The following EXT2 variants were observed in gnomAD, a reference collection of about 807,000 sequenced individuals.
EXT2 encodes exostosin-2.
EXT2 carries 53 observed loss-of-function variants against 81.6 expected under a neutral mutation model. That is an observed-to-expected ratio of 0.65 (90% CI 0.52 to 0.82). EXT2 has a LOEUF of 0.82. Among genes scored for constraint, EXT2 ranks in the 40% least tolerant of loss-of-function variants. EXT2 has a pLI of 0.00. For missense variants in EXT2, 774 were observed against 910.2 expected (o/e 0.85, Z 1.93); for synonymous variants, 320 against 340.0 (o/e 0.94, Z 0.65).
chr11:44,122,990 T>C (rs1020512848), intron 4 of EXT2, among the ~76,000 whole-genome samples: 2 of 152,238 alleles, frequency 1.3e-5, no homozygotes, highest in African/African-American at 4.8e-5. Context: ...TTAATTGTGA[T>C]GTGTTAAGTG....
chr11:44,156,297 A>G (rs1159065372), intron 7 of EXT2, among the ~76,000 whole-genome samples: 1 of 152,142 alleles, frequency 6.6e-6, no homozygotes, highest in Non-Finnish European at 1.5e-5. Flanking sequence ...CTCTATTATT[A>G]TCCCTTTGAA....
chr11:44,114,819 C>A (rs1474893896), intron 4 of EXT2, among the ~76,000 whole-genome samples: 1 of 152,188 alleles, frequency 6.6e-6, no homozygotes, highest in African/African-American at 2.4e-5. Flanking sequence ...TCTTTCAAGG[C>A]TCTCTTTCAT....
intron 3 of EXT2, among the ~76,000 whole-genome samples, chr11:44,110,747 G>A (rs749119889): frequency 1.2e-4 from 19 of 152,216 alleles, no homozygotes; most frequent in Non-Finnish European, 2.4e-4. Context: ...GCAGGAAGGT[G>A]TCAAGTAGAC....
intron 3 of EXT2, among the ~76,000 whole-genome samples, chr11:44,110,553 G>A (rs990577408): frequency 2.6e-5 from 4 of 152,154 alleles, no homozygotes; most frequent in Non-Finnish European, 5.9e-5. Context: ...GGAGAACAGA[G>A]AAGGGAAGGA....
intron 10 of EXT2, among the ~76,000 whole-genome samples, chr11:44,231,309 G>C (rs1022364065): frequency 6.6e-6 from 1 of 152,146 alleles, no homozygotes; most frequent in African/African-American, 2.4e-5. Flanking sequence ...TTAGCTTTTG[G>C]GTTTGAGCAA....
chr11:44,217,010 C>T (rs1174880902), intron 10 of EXT2, among the ~76,000 whole-genome samples: 1 of 147,030 alleles, frequency 6.8e-6, no homozygotes, highest in Non-Finnish European at 1.5e-5. Context: ...TAGATGTGAC[C>T]CACCCGAGGC....
rs35214626 is a variant in EXT2, at chr11:44,235,225, CTTTTTTT to C, written c.1935+1001_1935+1007del. Among the ~76,000 whole-genome samples, 6 of 50,772 alleles carry C rather than the reference CTTTTTTT, an allele frequency of 1.2e-4. No homozygotes were observed. The East Asian group carries it at 2.0e-3, about 17-fold the overall frequency. The allele number at this position is 50,772 out of a possible 152,430, so 33.3% of individuals were successfully genotyped here. A position where few individuals can be genotyped will look rare whatever the true frequency, so the allele number is the denominator to read the frequency against. On this transcript the variant is annotated intron_variant, in intron 12 of 13. Transcript: ENST00000533608. ...GGGACCCTTCCCATCCCCAAATTTG[CTTTTTTT>C]TTTTTTTTTTTTTTTTTTGGTGAGA...
At chr11:44,131,952 G>A (rs934549762) in intron 7 of EXT2, among the ~76,000 whole-genome samples, 2 of 152,174 alleles carry the variant, frequency 1.3e-5, no homozygotes, top group Non-Finnish European at 2.9e-5. Context: ...TGGCCAGGCT[G>A]GTCGAACTCT....
At chr11:44,166,411 C>G (rs1468558155) in intron 7 of EXT2, among the ~76,000 whole-genome samples, 2 of 152,180 alleles carry the variant, frequency 1.3e-5, no homozygotes, top group Admixed American at 1.3e-4. Context: ...GAAGCAGTAG[C>G]AGGGAGGCAG....
chr11:44,195,422 AAC>A lies in EXT2; in HGVS notation c.1306-2406_1306-2405del, dbSNP rs200079617. ...GCACTCCAGCCTGGGCAACGAGTGAAACTCTGTCTCAAAAAAAAAAAGAAAAA... is the reference window on the plus strand; with the variant it reads ...GCACTCCAGCCTGGGCAACGAGTGAATCTGTCTCAAAAAAAAAAAGAAAAA... On this transcript the variant is annotated intron_variant, in intron 8 of 13. Coordinates refer to ENST00000533608, the MANE Select transcript of EXT2 (RefSeq NM_207122.2). 2.2e-5 allele frequency among the ~76,000 whole-genome samples: 3 copies of A among 135,250 alleles called. No homozygotes were observed. The South Asian group carries it at 8.1e-4, about 36-fold the overall frequency. The allele number at this position is 135,250 out of a possible 152,430, so 88.7% of individuals were successfully genotyped here. A position where few individuals can be genotyped will look rare whatever the true frequency, so the allele number is the denominator to read the frequency against.
chr11:44,123,377 T>C (rs1954347221), intron 4 of EXT2, among the ~76,000 whole-genome samples: 2 of 152,234 alleles, frequency 1.3e-5, no homozygotes, highest in Non-Finnish European at 2.9e-5. Context: ...TACGTAGCCC[T>C]AGTATTTTCC....
chr11:44,230,232 G>T (rs1257872159), intron 10 of EXT2, among the ~76,000 whole-genome samples: 1 of 152,196 alleles, frequency 6.6e-6, no homozygotes, highest in Admixed American at 6.5e-5. Context: ...AGGGCTTGAG[G>T]TCTAGTGGTG....
At chr11:44,172,655 C>T (rs1170002008) in intron 8 of EXT2, among the ~76,000 whole-genome samples, 1 of 147,974 alleles carries the variant, frequency 6.8e-6, no homozygotes, top group Non-Finnish European at 1.5e-5. Flanking sequence ...GCAATCTTGG[C>T]TCACTGCAAC....
chr11:44,132,677 G>A (rs566238174), intron 7 of EXT2, among the ~76,000 whole-genome samples: 10 of 152,038 alleles, frequency 6.6e-5, no homozygotes, highest in African/African-American at 1.9e-4. Context: ...TAGTCACAAG[G>A]GCCACTTGCC....
intron 7 of EXT2, among the ~76,000 whole-genome samples, chr11:44,131,197 C>T (rs1331596741): frequency 6.6e-6 from 1 of 152,216 alleles, no homozygotes; most frequent in Non-Finnish European, 1.5e-5. Context: ...TCAGCTTCCA[C>T]ATTCTGATGC....
At chr11:44,223,651 C>CTT (rs869143629) in intron 10 of EXT2, among the ~76,000 whole-genome samples, 5 of 138,732 alleles carry the variant, frequency 3.6e-5, no homozygotes, top group Admixed American at 1.4e-4. Context: ...AGTTGTGTGT[C>CTT]TTTTTTTTTT....
chr11:44,193,495 T>C (rs1955418375), intron 8 of EXT2, among the ~76,000 whole-genome samples: 2 of 152,210 alleles, frequency 1.3e-5, no homozygotes, highest in African/African-American at 4.8e-5. Context: ...GAAACTGAGG[T>C]ACAAGAGAGA....
At chr11:44,207,076 C>A in intron 10 of EXT2, 117 bp downstream of exon 10, 1 of 1,159,802 alleles carries the variant, frequency 8.6e-7, no homozygotes, top group Non-Finnish European at 1.3e-6. Context: ...CTAAAATCTT[C>A]CAGTAGAGTC....
At chr11:44,211,239 G>A (rs1043316905) in intron 10 of EXT2, among the ~76,000 whole-genome samples, 2 of 152,176 alleles carry the variant, frequency 1.3e-5, no homozygotes, top group Non-Finnish European at 2.9e-5. Context: ...AAAACTAAAA[G>A]TAGAACTGCC....
Sources: allele counts gnomAD v4.1 joint callset (sites outside exome capture counted in the v4.1 genomes callset), GRCh38; gene constraint gnomAD v4.1.1; transcripts MANE v1.5; gene names NCBI Gene and HGNC (gene_info 2026-07-23, HGNC 2026-07-21).